Variants in TP63 observed in about 807,000 individuals in gnomAD.
The protein encoded by TP63 is tumor protein p63.
TP63 carries 17 observed loss-of-function variants against 82.8 expected under a neutral mutation model. That is an observed-to-expected ratio of 0.21 (90% CI 0.14 to 0.31). The LOEUF is 0.31. TP63 is among the 10% of genes least tolerant of loss of function. The probability of loss-of-function intolerance (pLI) is 1.00; values close to 1 mark genes in which losing one functional copy is unlikely to be tolerated. For synonymous variants in TP63, 330 were observed against 321.7 expected, an observed-to-expected ratio of 1.03 and a Z score of -0.28; for missense variants, 648 against 895.3, an observed-to-expected ratio of 0.72 and a Z score of 3.52.
At chr3:189,808,740 C>G (rs1489273298) in intron 4 of TP63, among the ~76,000 whole-genome samples, 4 of 152,248 alleles carry the variant, frequency 2.6e-5, no homozygotes, top group Non-Finnish European at 5.9e-5. Context: ...TTCTAGCCAG[C>G]TCCTGGCAAC....
At chr3:189,863,915 C>T (rs1241350694) in intron 4 of TP63, among the ~76,000 whole-genome samples, 1 of 152,130 alleles carries the variant, frequency 6.6e-6, no homozygotes, top group African/African-American at 2.4e-5. Flanking sequence ...TGAAGCTACT[C>T]GTGGTTTCAT....
At position 189,831,062 on chromosome 3, in the gene TP63, CTGT is replaced by C. The variant is rs146083427; in HGVS notation, c.579+22542_579+22544del. On this transcript the variant is annotated intron_variant, in intron 4 of 13. Transcript: ENST00000264731. Reference sequence around the variant, plus strand: ...GTAACTGCGAGGGCAGCCTGTATTTCTGTTGTTGGTGTGGTTTATCTTCCCAGT... The same window carrying C: ...GTAACTGCGAGGGCAGCCTGTATTTCTGTTGGTGTGGTTTATCTTCCCAGT... Among the ~76,000 whole-genome samples the C allele has an allele frequency of 8.0e-3, 1,221 of 152,316 alleles. 50 individuals carry two copies. Among genetic ancestry groups the C allele is most frequent in the Admixed American group, 0.062 (942 of 15,296 alleles).
intron 4 of TP63, among the ~76,000 whole-genome samples, chr3:189,835,995 C>T (rs528026357): frequency 1.3e-5 from 2 of 150,736 alleles, no homozygotes; most frequent in South Asian, 4.2e-4. Flanking sequence ...CAAGATTTGG[C>T]TCACGCGTCA....
intron 3 of TP63, among the ~76,000 whole-genome samples, chr3:189,790,903 A>G (rs538530406): frequency 1.1e-4 from 17 of 152,290 alleles, no homozygotes; most frequent in Admixed American, 3.3e-4. Context: ...GGCCTGTGCT[A>G]TCGTATTGAC....
chr3:189,627,221 T>C (rs1462365060), upstream of TP63, among the ~76,000 whole-genome samples: 2 of 152,196 alleles, frequency 1.3e-5, no homozygotes, highest in African/African-American at 4.8e-5. Context: ...CAAGAACAAG[T>C]TCTGGGATAT....
intron 4 of TP63, among the ~76,000 whole-genome samples, chr3:189,814,247 T>G (rs947040976): frequency 2.6e-5 from 4 of 152,206 alleles, no homozygotes. Context: ...ATTTAGAGAC[T>G]CTTAAGAATA....
chr3:189,644,018 T>C (rs1712169924), intron 1 of TP63, among the ~76,000 whole-genome samples: 1 of 152,206 alleles, frequency 6.6e-6, no homozygotes, highest in Admixed American at 6.5e-5. Context: ...GCCAGTTCTT[T>C]GGGAACTCTA....
At chr3:189,759,275 T>G (rs1722398862) in intron 3 of TP63, among the ~76,000 whole-genome samples, 1 of 152,196 alleles carries the variant, frequency 6.6e-6, no homozygotes, top group Non-Finnish European at 1.5e-5. Flanking sequence ...AGTGGTGATC[T>G]TTCTATAAGC....
At chr3:189,637,448 A>G (rs1372181028) in intron 1 of TP63, among the ~76,000 whole-genome samples, 1 of 152,106 alleles carries the variant, frequency 6.6e-6, no homozygotes, top group Non-Finnish European at 1.5e-5. Context: ...AAAGATCATT[A>G]TGGGTCTTGA....
intron 4 of TP63, among the ~76,000 whole-genome samples, chr3:189,821,538 T>G (rs540600305): frequency 6.6e-6 from 1 of 152,332 alleles, no homozygotes; most frequent in East Asian, 1.9e-4. Flanking sequence ...GAGTGTTGCC[T>G]GGGTACTGCC....
intron 3 of TP63, among the ~76,000 whole-genome samples, chr3:189,773,494 C>G (rs114299108): frequency 2.0e-5 from 3 of 152,150 alleles, no homozygotes; most frequent in Non-Finnish European, 4.4e-5. Context: ...TTAATTCACA[C>G]AAAGAGAGTA....
intron 4 of TP63, among the ~76,000 whole-genome samples, chr3:189,829,764 C>T (rs1258527688): frequency 2.6e-5 from 4 of 152,168 alleles, no homozygotes; most frequent in African/African-American, 9.7e-5. Flanking sequence ...TTTGCCATTA[C>T]TTTTTCACCA....
At chr3:189,604,202 T>G in the TP63 span, among the ~76,000 whole-genome samples, 1 of 152,266 alleles carries the variant, frequency 6.6e-6, no homozygotes, top group South Asian at 2.1e-4. Context: ...TTTAAGAAAT[T>G]GTTTCACTTC....
At chr3:189,753,157 A>T (rs1277215616) in intron 3 of TP63, among the ~76,000 whole-genome samples, 2 of 152,120 alleles carry the variant, frequency 1.3e-5, no homozygotes, top group Non-Finnish European at 2.9e-5. Context: ...AATTAGATAT[A>T]GTTGATTTGT....
chr3:189,820,062 A>G (rs549444116), intron 4 of TP63, among the ~76,000 whole-genome samples: 40 of 152,248 alleles, frequency 2.6e-4, no homozygotes, highest in Admixed American at 7.9e-4. Flanking sequence ...TTTTACTTTT[A>G]TCTATTGTCA....
chr3:189,814,093 C>G (rs1727896246), intron 4 of TP63, among the ~76,000 whole-genome samples: 1 of 152,192 alleles, frequency 6.6e-6, no homozygotes, highest in Admixed American at 6.5e-5. Flanking sequence ...AGCTCACTCC[C>G]TTTGGCTCCG....
Position 189,737,781 on chromosome 3 carries a change from A to G in TP63, c.104A>G (p.Tyr35Cys). Reference protein sequence around the residue: ...TPAHFSWKESYYRSTMSQSTQ... With the variant: ...TPAHFSWKESCYRSTMSQSTQ... ...GCTCATTTCTCTTGGAAAGAAAGTT[A>G]TTACCGATCCACCATGTCCCAGAGC... Residue 35 changes from tyrosine (Y) to cysteine (C), a missense_variant, in exon 2 of 14, where the codon TAT (tyrosine) becomes TGT (cysteine). This residue lies in a region of TP63 where 182 missense variants were observed against 213.6 expected (regional missense o/e 0.85). Coordinates refer to ENST00000264731, the MANE Select transcript of TP63 (RefSeq NM_003722.5). The G allele has an allele frequency of 6.2e-7, 1 of 1,613,990 alleles. No homozygotes were observed. The highest frequency in any genetic ancestry group is 1.1e-5 in the South Asian group (1 of 91,082).
At chr3:189,753,937 AT>A (rs1261971347) in intron 3 of TP63, among the ~76,000 whole-genome samples, 2 of 152,154 alleles carry the variant, frequency 1.3e-5, no homozygotes, top group Non-Finnish European at 2.9e-5. Flanking sequence ...TTACCATAAT[AT>A]TGGCTTTATA....
At chr3:189,788,405 G>A (rs549724544) in intron 3 of TP63, among the ~76,000 whole-genome samples, 3 of 152,124 alleles carry the variant, frequency 2.0e-5, no homozygotes, top group South Asian at 4.1e-4. Context: ...ATCCGAAGTC[G>A]TGAACGTATT....
Sources: allele counts gnomAD v4.1 joint callset (sites outside exome capture counted in the v4.1 genomes callset), GRCh38; gene constraint gnomAD v4.1.1; regional missense constraint gnomAD v4.1.1; transcripts MANE v1.5; gene names NCBI Gene and HGNC (gene_info 2026-07-23, HGNC 2026-07-21).